GLG1: variants seen among roughly 807,000 people sequenced by gnomAD.
GLG1 encodes golgi glycoprotein 1.
In GLG1, 38 loss-of-function variants were observed where a neutral mutation model predicts 160.5. That is an observed-to-expected ratio of 0.24 (90% CI 0.18 to 0.31). GLG1 has a LOEUF of 0.31. Ranked by LOEUF, GLG1 falls within the 10% of genes least tolerant of loss-of-function variation. The probability of loss-of-function intolerance (pLI) is 1.00; values close to 1 mark genes in which losing one functional copy is unlikely to be tolerated. For synonymous variants in GLG1, 644 were observed against 543.4 expected (o/e 1.19, Z -2.57); for missense variants, 1,373 against 1,505.2 (o/e 0.91, Z 1.45).
intron 25 of GLG1, among the ~76,000 whole-genome samples, chr16:74,456,054 T>A (rs571323395): frequency 1.3e-5 from 2 of 152,334 alleles, no homozygotes; most frequent in South Asian, 4.1e-4. Context: ...CTTCTCCATG[T>A]TCCAGACCAG....
intron 1 of GLG1, among the ~76,000 whole-genome samples, chr16:74,575,955 C>T (rs2018990474): frequency 6.6e-6 from 1 of 152,160 alleles, no homozygotes; most frequent in Admixed American, 6.5e-5. Flanking sequence ...AATCCCAGCA[C>T]TTTGGGAGGC....
At chr16:74,552,715 T>A (rs2018236816) in intron 1 of GLG1, 1 of 168,550 alleles carries the variant, frequency 5.9e-6, no homozygotes, top group African/African-American at 2.4e-5. Context: ...AGAAGCAGAT[T>A]TGGTTGTGGG....
intron 1 of GLG1, among the ~76,000 whole-genome samples, chr16:74,561,060 C>T (rs2018500224): frequency 6.6e-6 from 1 of 152,226 alleles, no homozygotes; most frequent in Admixed American, 6.5e-5. Flanking sequence ...TGCTTGGTTG[C>T]ATGGCAGCAC....
chr16:74,502,861 C>T (rs1043714094), intron 4 of GLG1, among the ~76,000 whole-genome samples: 4 of 151,120 alleles, frequency 2.6e-5, no homozygotes, highest in East Asian at 2.0e-4. Context: ...TGAGCCACCG[C>T]GCCCGGCCAG....
At chr16:74,519,389 C>T (rs781041735) in intron 2 of GLG1, among the ~76,000 whole-genome samples, 19 of 151,802 alleles carry the variant, frequency 1.3e-4, no homozygotes, top group African/African-American at 2.4e-4. Flanking sequence ...ATGTAGGTGA[C>T]AGGTTGATGG....
At chr16:74,481,188 A>G (rs914539692) in intron 10 of GLG1, among the ~76,000 whole-genome samples, 2 of 152,190 alleles carry the variant, frequency 1.3e-5, no homozygotes, top group African/African-American at 4.8e-5. Context: ...ATAGTCTCCT[A>G]TTCAGTTTTC....
Position 74,449,884 on chromosome 16 carries a change from TG to T in GLG1, c.*3282del, listed in dbSNP as rs1289327382. 6.6e-6 allele frequency: 1 copy of T among 152,288 alleles called. No individual in the cohort carries two copies. Among genetic ancestry groups the T allele is most frequent in the Non-Finnish European group, 1.5e-5 (1 of 68,100 alleles). 9.4% of individuals were successfully genotyped at this position (152,288 alleles called of 1,614,324 possible). ...TGTCTAGGGACAACAGCAACAGCAA[TG>T]GAAGTCCAACATGCACCCAGGTGAA... On this transcript the variant is annotated 3_prime_UTR_variant, in exon 26 of 26. Coordinates refer to ENST00000422840, the MANE Select transcript of GLG1 (RefSeq NM_001145667.2).
intron 2 of GLG1, among the ~76,000 whole-genome samples, chr16:74,517,858 G>C (rs28762730): frequency 6.6e-6 from 1 of 151,970 alleles, no homozygotes; most frequent in Non-Finnish European, 1.5e-5. Context: ...AAAGTCTCAG[G>C]ATACAAAATC....
rs1305716111 is a variant in GLG1 at position 74,502,587 on chromosome 16, AG to A, written c.774+943del. ...GAGACGGAGTCTCACTCTGTCTCCC[AG>A]GCTGGAGTGCAGTGGCGCGATCTCG... is the stretch of plus-strand genomic sequence containing the variant. On this transcript the variant is annotated intron_variant, in intron 4 of 25. Coordinates refer to ENST00000422840, the MANE Select transcript of GLG1 (RefSeq NM_001145667.2). 4.6e-5 allele frequency among the ~76,000 whole-genome samples: 7 copies of A among 151,778 alleles called. No individual in the cohort carries two copies. The East Asian group carries it at 1.2e-3, about 25-fold the overall frequency.
chr16:74,599,165 G>A (rs1958378593), intron 1 of GLG1, among the ~76,000 whole-genome samples: 1 of 152,090 alleles, frequency 6.6e-6, no homozygotes, highest in African/African-American at 2.4e-5. Flanking sequence ...TCAATTATCT[G>A]CTGTAATATT....
chr16:74,585,880 T>C (rs1298972697), intron 1 of GLG1, among the ~76,000 whole-genome samples: 1 of 152,006 alleles, frequency 6.6e-6, no homozygotes. Flanking sequence ...CTGGCCATTA[T>C]GATAAAACCC....
At chr16:74,522,956 T>C (rs1205952020) in intron 2 of GLG1, among the ~76,000 whole-genome samples, 1 of 152,216 alleles carries the variant, frequency 6.6e-6, no homozygotes, top group African/African-American at 2.4e-5. Flanking sequence ...AGTGCTGGGA[T>C]TACAGGCCAG....
intron 4 of GLG1, among the ~76,000 whole-genome samples, chr16:74,499,934 C>T (rs553946537): frequency 1.3e-5 from 2 of 152,206 alleles, no homozygotes; most frequent in East Asian, 1.9e-4. Context: ...ACCTGGGAGG[C>T]GGAACTTGCA....
chr16:74,511,538 G>C (rs1207233944), intron 2 of GLG1, among the ~76,000 whole-genome samples: 3 of 140,036 alleles, frequency 2.1e-5, no homozygotes, highest in Non-Finnish European at 3.0e-5. Flanking sequence ...TGTAATCCCA[G>C]CTACTCTGGA....
At chr16:74,519,335 G>T (rs943729994) in intron 2 of GLG1, among the ~76,000 whole-genome samples, 1 of 151,868 alleles carries the variant, frequency 6.6e-6, no homozygotes, top group African/African-American at 2.4e-5. Context: ...GGGCCTTTTG[G>T]GGGTGGGGGG....
chr16:74,549,432 G>A (rs1267151664), intron 1 of GLG1, among the ~76,000 whole-genome samples: 1 of 152,058 alleles, frequency 6.6e-6, no homozygotes, highest in Non-Finnish European at 1.5e-5. Context: ...GACTACAGGC[G>A]CCCGCCACCA....
At chr16:74,485,593 C>A (rs1485404763) in intron 9 of GLG1, among the ~76,000 whole-genome samples, 2 of 152,140 alleles carry the variant, frequency 1.3e-5, no homozygotes, top group East Asian at 3.8e-4. Context: ...AATATTGGGT[C>A]TAGGTGTCTC....
chr16:74,598,670 A>G (rs1425477899), intron 1 of GLG1, among the ~76,000 whole-genome samples: 2 of 151,866 alleles, frequency 1.3e-5, no homozygotes, highest in Non-Finnish European at 2.9e-5. Flanking sequence ...AGGTGGGTGG[A>G]TTGCCTGAGG....
chr16:74,466,598 T>C (rs923758159), intron 18 of GLG1, among the ~76,000 whole-genome samples: 1 of 151,976 alleles, frequency 6.6e-6, no homozygotes, highest in Non-Finnish European at 1.5e-5. Flanking sequence ...AGTCAAAAAC[T>C]GAGGGAAAGG....
Sources: gnomAD v4.1 joint callset for allele counts (sites outside exome capture counted in the v4.1 genomes callset) on GRCh38, gnomAD v4.1.1 for gene constraint, MANE v1.5 for transcripts, NCBI Gene and HGNC (gene_info 2026-07-23, HGNC 2026-07-21) for gene names.